CCDC171: variants seen among roughly 807,000 people sequenced by gnomAD.
The protein encoded by CCDC171 is coiled-coil domain containing 171, also known as coiled-coil domain-containing protein 171.
CCDC171 carries 177 observed loss-of-function variants against 168.2 expected under a neutral mutation model. That is an observed-to-expected ratio of 1.05 (90% CI 0.93 to 1.19). CCDC171 has a LOEUF of 1.19. Ranked by LOEUF, CCDC171 falls within the 50% of genes most tolerant of loss-of-function variation. The pLI is 0.00. For missense variants in CCDC171, 1,991 were observed against 1,539.0 expected (o/e 1.29, Z -4.91); for synonymous variants, 687 against 540.8 (o/e 1.27, Z -3.75).
intron 7 of CCDC171, among the ~76,000 whole-genome samples, chr9:15,639,596 G>A (rs1490094208): frequency 2.0e-5 from 3 of 151,962 alleles, no homozygotes; most frequent in African/African-American, 7.2e-5. Flanking sequence ...AAAAATTACA[G>A]TGTTCTCCAG....
intron 7 of CCDC171, among the ~76,000 whole-genome samples, chr9:15,652,161 G>C (rs968497493): frequency 1.3e-5 from 2 of 151,868 alleles, no homozygotes; most frequent in Admixed American, 1.3e-4. Flanking sequence ...GAGTTTTATG[G>C]TTTTTAGCTC....
At chr9:15,773,039 A>G (rs571499455) in intron 18 of CCDC171, among the ~76,000 whole-genome samples, 2 of 150,814 alleles carry the variant, frequency 1.3e-5, no homozygotes, top group Admixed American at 6.6e-5. Context: ...TTTTGCTACT[A>G]TTATACTCAT....
chr9:15,927,258 C>A (rs1385690745), intron 25 of CCDC171, among the ~76,000 whole-genome samples: 1 of 151,598 alleles, frequency 6.6e-6, no homozygotes, highest in African/African-American at 2.4e-5. Context: ...GGCCCATTAA[C>A]TTAGGACTGC....
At chr9:15,700,831 C>T (rs143768810) in intron 11 of CCDC171, among the ~76,000 whole-genome samples, 53 of 152,028 alleles carry the variant, frequency 3.5e-4, no homozygotes, top group Admixed American at 1.5e-3. Flanking sequence ...TTCATAATAG[C>T]TGTACTAATT....
intron 7 of CCDC171, among the ~76,000 whole-genome samples, chr9:15,642,242 ATAGT>A (rs1352879454): frequency 6.6e-6 from 1 of 151,326 alleles, no homozygotes; most frequent in Non-Finnish European, 1.5e-5. Flanking sequence ...AAAGCTGTAT[ATAGT>A]TAAATTAACC....
chr9:15,682,847 T>C (rs1275213929), intron 10 of CCDC171, among the ~76,000 whole-genome samples: 2 of 152,016 alleles, frequency 1.3e-5, no homozygotes, highest in Non-Finnish European at 2.9e-5. Context: ...ATCTATGAAT[T>C]TAATAATGAT....
chr9:15,983,839 T>C (rs1831889880), intron 3 of CCDC171, among the ~76,000 whole-genome samples: 1 of 151,184 alleles, frequency 6.6e-6, no homozygotes, highest in Admixed American at 6.6e-5. Context: ...TGTGTGTGTG[T>C]GTGTGTGTGT....
the CCDC171 span, among the ~76,000 whole-genome samples, chr9:16,101,165 T>TA: frequency 6.6e-6 from 1 of 152,126 alleles, no homozygotes; most frequent in East Asian, 1.9e-4. Flanking sequence ...ACAAAGGAAA[T>TA]ACATTCTGCT....
chr9:15,778,649 A>AAAAAAAAC, intron 19 of CCDC171, among the ~76,000 whole-genome samples: 1 of 149,598 alleles, frequency 6.7e-6, no homozygotes, highest in Non-Finnish European at 1.5e-5. Flanking sequence ...GTCTCAAAAA[A>AAAAAAAAC]AAAAAAAAAA....
chr9:15,980,061 G>A (rs1393742737), intron 3 of CCDC171, among the ~76,000 whole-genome samples: 1 of 151,884 alleles, frequency 6.6e-6, no homozygotes, highest in African/African-American at 2.4e-5. Flanking sequence ...AACTTAATAA[G>A]GACTTGAGAA....
chr9:15,843,210 A>T (rs1192726566), intron 21 of CCDC171, among the ~76,000 whole-genome samples: 1 of 152,064 alleles, frequency 6.6e-6, no homozygotes, highest in Non-Finnish European at 1.5e-5. Context: ...TAAAGATATT[A>T]TATAATAGCT....
chr9:15,947,566 T>C (rs1296299230), intron 25 of CCDC171, among the ~76,000 whole-genome samples: 1 of 152,076 alleles, frequency 6.6e-6, no homozygotes. Flanking sequence ...CTGAATAATA[T>C]TCCATTGTAT....
chr9:15,858,851 C>A (rs1202154450), intron 23 of CCDC171, among the ~76,000 whole-genome samples: 1 of 151,962 alleles, frequency 6.6e-6, no homozygotes, highest in Non-Finnish European at 1.5e-5. Context: ...TTTACTTCTT[C>A]CTTTTCTGTT....
At chr9:15,656,435 A>G (rs955330563) in intron 7 of CCDC171, among the ~76,000 whole-genome samples, 2 of 152,254 alleles carry the variant, frequency 1.3e-5, no homozygotes, top group African/African-American at 4.8e-5. Flanking sequence ...CTTGCACACA[A>G]ATGCTCATAG....
rs909497623 is a variant in CCDC171 at position 15,777,637 on chromosome 9, T to C, written c.2709T>C (p.Gly903=). 4 of 1,613,814 alleles carry C rather than the reference T, an allele frequency of 2.5e-6. No homozygotes were observed. The highest frequency in any genetic ancestry group is 1.1e-5 in the South Asian group (1 of 90,964). Residue 903 remains glycine, a synonymous_variant, in exon 19 of 26, where the codon GGT becomes GGC. Coordinates refer to ENST00000380701, the MANE Select transcript of CCDC171 (RefSeq NM_173550.4). ...NSRICGHLLI[G]AAKNSFAKLM... ...GAATTTGTGGACATTTACTCATAGG[T>C]GCAGCCAAGAATTCTTTTGCAAAAC...
At chr9:15,794,414 T>C (rs115567573) in intron 21 of CCDC171, among the ~76,000 whole-genome samples, 2,737 of 152,082 alleles carry the variant, frequency 0.018, 97 homozygotes, top group African/African-American at 0.062. Flanking sequence ...GTAGTGAGCC[T>C]AGATGGTGCC....
At chr9:16,059,054 T>G (rs1833887526) in intron 1 of CCDC171, among the ~76,000 whole-genome samples, 1 of 152,144 alleles carries the variant, frequency 6.6e-6, no homozygotes, top group African/African-American at 2.4e-5. Flanking sequence ...TGTTCCTGTC[T>G]CCACAGTGAC....
At chr9:15,665,436 T>C (rs983494696) in intron 8 of CCDC171, among the ~76,000 whole-genome samples, 50 of 152,218 alleles carry the variant, frequency 3.3e-4, no homozygotes, top group African/African-American at 1.2e-3. Flanking sequence ...CTTATAAAGA[T>C]ACTCATGTAA....
At chr9:15,670,181 T>G (rs1370436846) in intron 9 of CCDC171, among the ~76,000 whole-genome samples, 1 of 152,120 alleles carries the variant, frequency 6.6e-6, no homozygotes, top group Admixed American at 6.6e-5. Context: ...GCCAGCTTTT[T>G]TGTCCGCCAG....
Sources: allele counts gnomAD v4.1 joint callset (sites outside exome capture counted in the v4.1 genomes callset), GRCh38; gene constraint gnomAD v4.1.1; transcripts MANE v1.5; gene names NCBI Gene and HGNC (gene_info 2026-07-23, HGNC 2026-07-21).